KDM3B: variants seen among roughly 807,000 people sequenced by gnomAD.
KDM3B encodes lysine demethylase 3B.
KDM3B carries 10 observed loss-of-function variants against 170.0 expected under a neutral mutation model. That is an observed-to-expected ratio of 0.06 (90% CI 0.04 to 0.10). The LOEUF (loss-of-function observed/expected upper bound fraction) is 0.10. Ranked by LOEUF, KDM3B falls within the 10% of genes least tolerant of loss-of-function variation. The pLI is 1.00. For synonymous variants in KDM3B, 831 were observed against 834.8 expected (o/e 1.00, Z 0.08); for missense variants, 1,394 against 2,195.2 (o/e 0.64, Z 7.29).
At chr5:138,400,306 C>T (rs1762650394) in intron 11 of KDM3B, among the ~76,000 whole-genome samples, 1 of 151,910 alleles carries the variant, frequency 6.6e-6, no homozygotes. Flanking sequence ...ACAATCATGG[C>T]TTACTGCACC....
In KDM3B at chr5:138,352,776, G is replaced by A. The variant is rs898823530; in HGVS notation, c.-20G>A. The A allele has an allele frequency of 6.6e-6, 8 of 1,217,472 alleles. No individual in the cohort carries two copies. Among genetic ancestry groups the A allele is most frequent in the Non-Finnish European group, 7.1e-6 (7 of 981,538 alleles). 75.4% of individuals were successfully genotyped at this position (1,217,472 alleles called of 1,614,324 possible). A position where few individuals can be genotyped will look rare whatever the true frequency, so the allele number is the denominator to read the frequency against. ...GGTGGGAGGCGGCGGGCGGGAGCGC[G>A]GGTCAGGCCGGCCCCGGCGATGGCG... On this transcript the variant is annotated 5_prime_UTR_variant, in exon 1 of 24. Coordinates refer to ENST00000314358, the MANE Select transcript of KDM3B (RefSeq NM_016604.4).
chr5:138,415,271 A>G (rs1268110238), intron 12 of KDM3B, 32 bp downstream of exon 12: 1 of 1,477,452 alleles, frequency 6.8e-7, no homozygotes, highest in Admixed American at 1.8e-5. Flanking sequence ...ATTTGGTGGA[A>G]GAAATGTTTT....
chr5:138,419,204 A>C lies in KDM3B; in HGVS notation c.3687A>C (p.Ala1229=), dbSNP rs1045086391. The C allele has an allele frequency of 1.2e-6, 2 of 1,613,980 alleles. No homozygotes were observed. The highest frequency in any genetic ancestry group is 1.7e-6 in the Non-Finnish European group (2 of 1,179,964). ...CCCTGCACTGGTTGGCAGATTTAGCAACTCAGAAGGCTAAAGAAGAAACAA... is the reference window on the plus strand; with the variant it reads ...CCCTGCACTGGTTGGCAGATTTAGCCACTCAGAAGGCTAAAGAAGAAACAA... The part of the protein sequence containing the change: ...SSALHWLADL[A]TQKAKEETKE... The change falls in exon 14 of 24, where the codon GCA becomes GCC. Residue 1229 remains alanine (A), a synonymous_variant. Transcript: ENST00000314358.
intron 13 of KDM3B, among the ~76,000 whole-genome samples, chr5:138,418,322 C>T (rs1394800125): frequency 6.6e-6 from 1 of 152,020 alleles, no homozygotes; most frequent in Non-Finnish European, 1.5e-5. Context: ...TCAAGTGATC[C>T]ACCCACCTTG....
At chr5:138,363,687 C>T (rs1761673605) in intron 1 of KDM3B, among the ~76,000 whole-genome samples, 1 of 152,080 alleles carries the variant, frequency 6.6e-6, no homozygotes, top group African/African-American at 2.4e-5. Context: ...GCTGGGATTA[C>T]AGGCTCCCGC....
intron 23 of KDM3B, among the ~76,000 whole-genome samples, chr5:138,434,857 A>G (rs1763634362): frequency 6.6e-6 from 1 of 152,218 alleles, no homozygotes; most frequent in African/African-American, 2.4e-5. Flanking sequence ...TTAATGGAGA[A>G]TAGTAAAAGA....
At chr5:138,431,378 G>T in intron 22 of KDM3B, 47 bp from the exon 23 acceptor site, 2 of 1,446,242 alleles carry the variant, frequency 1.4e-6, no homozygotes, top group Non-Finnish European at 1.9e-6. Flanking sequence ...ATATGTTATT[G>T]AATCTCTAAT....
chr5:138,403,738 A>G (rs1403320559), intron 11 of KDM3B, among the ~76,000 whole-genome samples: 1 of 151,764 alleles, frequency 6.6e-6, no homozygotes, highest in Non-Finnish European at 1.5e-5. Context: ...CACACCTGCA[A>G]TCCCAGCACT....
intron 11 of KDM3B, among the ~76,000 whole-genome samples, chr5:138,408,238 G>A (rs112718814): frequency 2.4e-4 from 37 of 152,180 alleles, no homozygotes; most frequent in African/African-American, 7.7e-4. Flanking sequence ...ATGTAAATCA[G>A]ACGCCGCCGC....
In KDM3B at chr5:138,386,046, T is replaced by C. The variant is rs1762251957; in HGVS notation, c.805T>C (p.Ser269Pro). The C allele has an allele frequency of 1.2e-6, 2 of 1,606,592 alleles. No individual in the cohort carries two copies. The highest frequency in any genetic ancestry group is 1.7e-5 in the Admixed American group (1 of 58,042). The change falls in exon 7 of 24, where the codon TCT becomes CCT. Residue 269 changes from serine to proline, a missense_variant. This residue lies in a region of KDM3B where 166 missense variants were observed against 216.4 expected (regional missense o/e 0.77). Coordinates refer to ENST00000314358, the MANE Select transcript of KDM3B (RefSeq NM_016604.4). ...SEGGTLKAVKSSKGKKKRESI... is the reference protein window; with the variant it reads ...SEGGTLKAVKPSKGKKKRESI... Reference sequence around the variant, plus strand: ...GGGGGGTACGTTAAAAGCAGTAAAATCTTCCAAAGGAAAGAAGAAGAGAGA... The same window carrying C: ...GGGGGGTACGTTAAAAGCAGTAAAACCTTCCAAAGGAAAGAAGAAGAGAGA...
At chr5:138,374,319 A>C in intron 2 of KDM3B, 1 of 439,114 alleles carries the variant, frequency 2.3e-6, no homozygotes. Flanking sequence ...CTGGAGTGCA[A>C]TGGCTCGATC....
At chr5:138,423,076 T>A (rs1243710931) in intron 15 of KDM3B, among the ~76,000 whole-genome samples, 1 of 152,158 alleles carries the variant, frequency 6.6e-6, no homozygotes, top group African/African-American at 2.4e-5. Flanking sequence ...AGCAAGTAGC[T>A]GGGACTACAG....
At position 138,393,250 on chromosome 5, in the gene KDM3B, A is replaced by T; in HGVS notation, c.2709A>T (p.Ser903=). ...QSGEPFLQDG[S]CINVAPHLHK... ...GAGAGCCCTTCCTGCAGGATGGGTC[A>T]TGCATCAATGTGGCACCTCATCTGC... Residue 903 remains serine (S), a synonymous_variant, in exon 9 of 24, where the codon TCA becomes TCT. Coordinates refer to ENST00000314358, the MANE Select transcript of KDM3B (RefSeq NM_016604.4). 1 of 1,614,186 alleles carries T rather than the reference A, an allele frequency of 6.2e-7. No individual in the cohort carries two copies. The highest frequency in any genetic ancestry group is 8.5e-7 in the Non-Finnish European group (1 of 1,179,988).
intron 11 of KDM3B, among the ~76,000 whole-genome samples, chr5:138,408,480 A>G (rs1163253262): frequency 6.6e-6 from 1 of 152,064 alleles, no homozygotes; most frequent in Non-Finnish European, 1.5e-5. Flanking sequence ...CTTACTAGTA[A>G]ATTATAGCAA....
intron 21 of KDM3B, 52 bp from the exon 22 acceptor site, chr5:138,430,197 T>C (rs756941559): frequency 2.1e-5 from 34 of 1,588,612 alleles, no homozygotes; most frequent in Non-Finnish European, 2.8e-5. Flanking sequence ...GTTGGATTTA[T>C]GCTGTTAATG....
intron 14 of KDM3B, among the ~76,000 whole-genome samples, chr5:138,419,687 A>ATATATG: frequency 7.3e-6 from 1 of 136,648 alleles, no homozygotes; most frequent in Admixed American, 7.7e-5. Flanking sequence ...ATATATATAT[A>ATATATG]TACATATATA....
chr5:138,418,828 A>G (rs1763176131), intron 13 of KDM3B, 125 bp from the exon 14 acceptor site: 1 of 904,500 alleles, frequency 1.1e-6, no homozygotes, highest in East Asian at 2.4e-5. Flanking sequence ...TAAATAATGT[A>G]TGAAATGCCA....
At chr5:138,384,349 C>T (rs1410255817) in intron 6 of KDM3B, among the ~76,000 whole-genome samples, 1 of 152,070 alleles carries the variant, frequency 6.6e-6, no homozygotes, top group Admixed American at 6.5e-5. Flanking sequence ...CCTGTAATCC[C>T]AGCACTTTGG....
intron 6 of KDM3B, among the ~76,000 whole-genome samples, chr5:138,382,181 C>T (rs925288760): frequency 6.6e-6 from 1 of 152,110 alleles, no homozygotes; most frequent in Non-Finnish European, 1.5e-5. Flanking sequence ...GGTGCAGTGG[C>T]TCACGCCTGT....
Sources: allele counts gnomAD v4.1 joint callset (sites outside exome capture counted in the v4.1 genomes callset), GRCh38; gene constraint gnomAD v4.1.1; regional missense constraint gnomAD v4.1.1; transcripts MANE v1.5; gene names NCBI Gene and HGNC (gene_info 2026-07-23, HGNC 2026-07-21).